The following PCDHA13 variants were observed in gnomAD, a reference collection of about 807,000 sequenced individuals.
PCDHA13 encodes protocadherin alpha 13, also known as protocadherin alpha-13.
A neutral mutation model predicts 64.8 loss-of-function variants in PCDHA13; 54 were observed. The observed-to-expected ratio is 0.83, with a 90% CI of 0.67 to 1.04. The LOEUF (loss-of-function observed/expected upper bound fraction) is 1.04. Ranked by LOEUF, PCDHA13 falls within the 50% of genes least tolerant of loss-of-function variation. PCDHA13 has a pLI of 0.00. For missense variants in PCDHA13, 1,248 were observed against 1,254.3 expected (o/e 0.99, Z 0.08); for synonymous variants, 587 against 564.4 (o/e 1.04, Z -0.57).
At chr5:140,965,876 C>T (rs1416182822) in intron 1 of PCDHA13, among the ~76,000 whole-genome samples, 1 of 152,152 alleles carries the variant, frequency 6.6e-6, no homozygotes, top group African/African-American at 2.4e-5. Flanking sequence ...GCCACTTGGC[C>T]GAGAGCAGAA....
At chr5:140,950,746 T>C (rs2094515579) in intron 1 of PCDHA13, among the ~76,000 whole-genome samples, 1 of 152,138 alleles carries the variant, frequency 6.6e-6, no homozygotes, top group Non-Finnish European at 1.5e-5. Context: ...AATTTCTCTC[T>C]ATCCTTTCTG....
chr5:140,970,967 G>C (rs2096448125), intron 1 of PCDHA13, among the ~76,000 whole-genome samples: 2 of 152,206 alleles, frequency 1.3e-5, no homozygotes, highest in Non-Finnish European at 2.9e-5. Context: ...GCAGATTGTA[G>C]ATTAAGAAAA....
At chr5:140,943,349 T>C (rs1429038452) in intron 1 of PCDHA13, among the ~76,000 whole-genome samples, 1 of 147,572 alleles carries the variant, frequency 6.8e-6, no homozygotes, top group East Asian at 2.0e-4. Flanking sequence ...AGGATGAGAG[T>C]AGAGGAAAGG....
chr5:141,007,133 G>A (rs1588151080), intron 3 of PCDHA13, among the ~76,000 whole-genome samples: 1 of 152,128 alleles, frequency 6.6e-6, no homozygotes, highest in South Asian at 2.1e-4. Flanking sequence ...CAGATGAGGA[G>A]ACTGACAAAG....
intron 1 of PCDHA13, among the ~76,000 whole-genome samples, chr5:140,893,840 T>C (rs548325710): frequency 6.6e-6 from 1 of 152,312 alleles, no homozygotes; most frequent in Non-Finnish European, 1.5e-5. Flanking sequence ...GCCATCCTGA[T>C]GCCCTACCTC....
At chr5:140,969,948 G>A (rs1206322511) in intron 1 of PCDHA13, among the ~76,000 whole-genome samples, 3 of 152,198 alleles carry the variant, frequency 2.0e-5, no homozygotes, top group African/African-American at 7.2e-5. Context: ...TGAAGCTAAA[G>A]TTTGCTTTGG....
chr5:140,983,719 A>C (rs1417350764), intron 3 of PCDHA13, among the ~76,000 whole-genome samples: 1 of 152,256 alleles, frequency 6.6e-6, no homozygotes, highest in African/African-American at 2.4e-5. Context: ...TAGCACTTAT[A>C]TTCATAACAT....
rs150226999 is a variant in PCDHA13, at chr5:140,970,370, C to T, written c.2395-8579C>T. 2.1e-3 allele frequency among the ~76,000 whole-genome samples: 315 copies of T among 152,234 alleles called. 1 individual carries two copies. The highest frequency in any genetic ancestry group is 7.2e-3 in the African/African-American group (299 of 41,540). On this transcript the variant is annotated intron_variant, in intron 1 of 3. Coordinates refer to ENST00000289272, the MANE Select transcript of PCDHA13 (RefSeq NM_018904.3). ...GGATCTAAAATTTGATTTGCTATAG[C>T]TTCAAAAGGCTGGCTTGGAAAGTGG...
chr5:141,009,501 C>T (rs2098410009), intron 3 of PCDHA13, 126 bp from the exon 4 acceptor site: 4 of 1,492,480 alleles, frequency 2.7e-6, no homozygotes, highest in Non-Finnish European at 3.6e-6. Context: ...CAGACTTGAA[C>T]AAACAACTCG....
At chr5:140,984,041 T>A (rs1440161569) in intron 3 of PCDHA13, among the ~76,000 whole-genome samples, 1 of 152,196 alleles carries the variant, frequency 6.6e-6, no homozygotes, top group Non-Finnish European at 1.5e-5. Flanking sequence ...CATAAAATAG[T>A]TCATTGACAA....
chr5:140,931,215 CAG>C (rs2087377353), intron 1 of PCDHA13, among the ~76,000 whole-genome samples: 1 of 152,106 alleles, frequency 6.6e-6, no homozygotes, highest in East Asian at 1.9e-4. Flanking sequence ...TTTCAGGTAT[CAG>C]AGCACTTAAT....
At chr5:140,941,286 CTCTTTCTT>C (rs5871754) in intron 1 of PCDHA13, among the ~76,000 whole-genome samples, 8 of 106,846 alleles carry the variant, frequency 7.5e-5, no homozygotes, top group East Asian at 5.2e-4. Context: ...TCCTTCCTTT[CTCTTTCTT>C]TCTTTCTTTC....
intron 3 of PCDHA13, among the ~76,000 whole-genome samples, chr5:140,997,565 A>G (rs552009994): frequency 6.6e-6 from 1 of 152,292 alleles, no homozygotes; most frequent in South Asian, 2.1e-4. Flanking sequence ...CAACTGTCAT[A>G]TGTGTGGTCC....
At chr5:140,990,029 A>G (rs1343846819) in intron 3 of PCDHA13, among the ~76,000 whole-genome samples, 1 of 152,146 alleles carries the variant, frequency 6.6e-6, no homozygotes, top group African/African-American at 2.4e-5. Context: ...AAAGGATGGG[A>G]GAAGTCAGTC....
intron 1 of PCDHA13, among the ~76,000 whole-genome samples, chr5:140,937,501 C>T (rs2091550832): frequency 6.6e-6 from 1 of 152,126 alleles, no homozygotes; most frequent in Admixed American, 6.5e-5. Context: ...CCCGTAATCC[C>T]AGCTACTCAG....
chr5:140,919,763 A>T (rs2079297949), intron 1 of PCDHA13, among the ~76,000 whole-genome samples: 2 of 152,090 alleles, frequency 1.3e-5, no homozygotes, highest in African/African-American at 4.8e-5. Flanking sequence ...TGCCTTTTGT[A>T]TTACTGTTAC....
At chr5:140,994,515 C>T (rs1450335712) in intron 3 of PCDHA13, among the ~76,000 whole-genome samples, 1 of 150,120 alleles carries the variant, frequency 6.7e-6, no homozygotes, top group African/African-American at 2.5e-5. Flanking sequence ...ACAGCCTGGG[C>T]AACATGGCAA....
At chr5:140,977,732 G>A (rs538865467) in intron 1 of PCDHA13, among the ~76,000 whole-genome samples, 2 of 152,048 alleles carry the variant, frequency 1.3e-5, no homozygotes, top group African/African-American at 2.4e-5. Flanking sequence ...TTCTCTCCTG[G>A]GTGTTATGAA....
At chr5:140,958,295 C>T (rs1405336220) in intron 1 of PCDHA13, among the ~76,000 whole-genome samples, 1 of 151,884 alleles carries the variant, frequency 6.6e-6, no homozygotes, top group Admixed American at 6.6e-5. Context: ...TATTATTGAA[C>T]TTAATTAAAA....
Sources: gnomAD v4.1 joint callset for allele counts (sites outside exome capture counted in the v4.1 genomes callset) on GRCh38, gnomAD v4.1.1 for gene constraint, MANE v1.5 for transcripts, NCBI Gene and HGNC (gene_info 2026-07-23, HGNC 2026-07-21) for gene names.